The following ZNF695 variants were observed in gnomAD, a reference collection of about 807,000 sequenced individuals.
ZNF695 encodes zinc finger protein 695, also known as zinc finger protein SBZF3.
A neutral mutation model predicts 11.2 loss-of-function variants in ZNF695; 11 were observed. That is an observed-to-expected ratio of 0.98 (90% CI 0.62 to 1.62). The LOEUF is 1.62. ZNF695 is among the 40% of genes most tolerant of loss of function. The pLI, the probability that ZNF695 is intolerant of heterozygous loss-of-function variation, is 0.00. For missense variants in ZNF695, 559 were observed against 590.5 expected (o/e 0.95, Z 0.55); for synonymous variants, 190 against 201.4 (o/e 0.94, Z 0.48).
intron 5 of ZNF695, chr1:246,966,798 G>C (rs769219298): frequency 8.1e-5 from 37 of 456,584 alleles, no homozygotes; most frequent in African/African-American, 7.0e-4. Flanking sequence ...GGAAAAAAAA[G>C]TCAAAATGAG....
intron 3 of ZNF695, among the ~76,000 whole-genome samples, chr1:246,988,828 C>T (rs539194355): frequency 4.6e-5 from 7 of 152,092 alleles, no homozygotes; most frequent in East Asian, 1.9e-4. Flanking sequence ...CGGTGGCTCA[C>T]GCCTGTAATC....
chr1:246,999,354 G>A lies in ZNF695; in HGVS notation c.253C>T (p.His85Tyr). The change falls in exon 3 of 4, where the codon CAC (histidine) becomes TAC (tyrosine). Residue 85 changes from histidine (H) to tyrosine (Y), a missense_variant. Transcript: ENST00000339986. ...TTCATTCACTCCCACCTACCTGAGT[G>A]TCTGGCTGTCTTCTCTGTGTTCACG... Reference protein sequence around the residue: ...WNVNTEKTARHSVLSSYLTED... With the variant: ...WNVNTEKTARYSVLSSYLTED... 1 of 1,612,934 alleles carries A rather than the reference G, an allele frequency of 6.2e-7. No homozygotes were observed. Among genetic ancestry groups the A allele is most frequent in the Non-Finnish European group, 8.5e-7 (1 of 1,178,980 alleles).
intron 1 of ZNF695, among the ~76,000 whole-genome samples, chr1:247,003,077 A>T (rs773291215): frequency 3.9e-5 from 6 of 152,172 alleles, no homozygotes; most frequent in Non-Finnish European, 7.4e-5. Flanking sequence ...AACTTAAAAC[A>T]GGGCTGCCAT....
At chr1:246,959,310 A>AAAAATATATATAT (rs1558304450) in intron 5 of ZNF695, among the ~76,000 whole-genome samples, 2 of 51,252 alleles carry the variant, frequency 3.9e-5, no homozygotes, top group African/African-American at 8.8e-5. Flanking sequence ...AAAAAAAAAA[A>AAAAATATATATAT]ATATATATAT....
chr1:246,979,299 C>T (rs998696189), intron 4 of ZNF695, among the ~76,000 whole-genome samples: 1 of 152,088 alleles, frequency 6.6e-6, no homozygotes, highest in Non-Finnish European at 1.5e-5. Flanking sequence ...GTGGAGAAGA[C>T]GGTGGTGGTG....
At chr1:247,003,410 G>C (rs1158270347) in intron 1 of ZNF695, among the ~76,000 whole-genome samples, 2 of 152,158 alleles carry the variant, frequency 1.3e-5, no homozygotes, top group African/African-American at 4.8e-5. Context: ...AGTAAACATG[G>C]ACACAAAGAG....
At chr1:246,957,118 C>T (rs942150653) in intron 5 of ZNF695, among the ~76,000 whole-genome samples, 9 of 152,174 alleles carry the variant, frequency 5.9e-5, no homozygotes, top group African/African-American at 1.7e-4. Context: ...TGCGGTGGCT[C>T]ATGCCTGTAA....
chr1:246,983,146 G>A (rs1668757141), downstream of ZNF695, among the ~76,000 whole-genome samples: 1 of 151,522 alleles, frequency 6.6e-6, no homozygotes. Context: ...AGAGCTTGCA[G>A]TGAGCCGTGA....
At chr1:246,982,951 C>T (rs569612329), downstream of ZNF695, among the ~76,000 whole-genome samples, 3 of 152,238 alleles carry the variant, frequency 2.0e-5, no homozygotes, top group Admixed American at 2.0e-4. Context: ...CGCCTGTAAT[C>T]CCAGCACTTT....
intron 4 of ZNF695, among the ~76,000 whole-genome samples, chr1:246,973,279 C>T (rs1227738351): frequency 6.6e-6 from 1 of 152,086 alleles, no homozygotes; most frequent in African/African-American, 2.4e-5. Flanking sequence ...GAACTCCCGA[C>T]CTCAGGTGAT....
At chr1:246,947,374 C>T (rs1667766190) in intron 5 of ZNF695, among the ~76,000 whole-genome samples, 1 of 151,924 alleles carries the variant, frequency 6.6e-6, no homozygotes. Flanking sequence ...TTGGCATGCA[C>T]CACTGTACAT....
Position 246,999,397 on chromosome 1 carries a change from T to C in ZNF695, c.210A>G (p.Ala70=). 6.2e-7 allele frequency: 1 copy of C among 1,614,104 alleles called. No individual in the cohort carries two copies. The highest frequency in any genetic ancestry group is 8.5e-7 in the Non-Finnish European group (1 of 1,180,004). Residue 70 remains alanine (A), a synonymous_variant, in exon 3 of 4, where the codon GCA becomes GCG. Coordinates refer to ENST00000339986, the MANE Select transcript of ZNF695 (RefSeq NM_020394.5). ...TGTTCACGTTCCAGGGCTCTTTCCT[T>C]GCCTCCAGACAGATGATCAGTTCTG... The part of the protein sequence containing the change: ...SKPELIICLE[A]RKEPWNVNTE...
At chr1:247,000,483 G>A (rs554482379) in intron 1 of ZNF695, among the ~76,000 whole-genome samples, 9 of 152,214 alleles carry the variant, frequency 5.9e-5, no homozygotes, top group Admixed American at 1.3e-4. Flanking sequence ...GTGACAGAGC[G>A]AGACTCTGTC....
At position 246,986,409 on chromosome 1, in the gene ZNF695, G is replaced by C. The variant is rs1668848442; in HGVS notation, c.*558C>G. 2.0e-6 allele frequency: 2 copies of C among 985,298 alleles called. No homozygotes were observed. Among genetic ancestry groups the C allele is most frequent in the Non-Finnish European group, 2.4e-6 (2 of 830,004 alleles). 61.0% of individuals were successfully genotyped at this position (985,298 alleles called of 1,614,324 possible). ...AAATGTAATTATAACTTCCCCAAAA[G>C]GTGAATCTCCTACTTACTTTAACTT... is the stretch of plus-strand genomic sequence containing the variant. On this transcript the variant is annotated 3_prime_UTR_variant, in exon 4 of 4. Transcript: ENST00000339986.
At chr1:246,950,728 A>G (rs1042566669) in intron 5 of ZNF695, among the ~76,000 whole-genome samples, 5 of 151,534 alleles carry the variant, frequency 3.3e-5, no homozygotes, top group African/African-American at 1.2e-4. Flanking sequence ...TAAAGCTATT[A>G]ACATTTCATT....
intron 5 of ZNF695, among the ~76,000 whole-genome samples, chr1:246,955,039 G>A (rs961467121): frequency 6.6e-6 from 1 of 152,098 alleles, no homozygotes; most frequent in Non-Finnish European, 1.5e-5. Context: ...GGAGGTAATT[G>A]AATCATAGGG....
downstream of ZNF695, among the ~76,000 whole-genome samples, chr1:246,983,730 C>G (rs899583266): frequency 3.9e-5 from 6 of 152,054 alleles, no homozygotes; most frequent in Non-Finnish European, 5.9e-5. Context: ...AGGCAAGAGA[C>G]TTGATTGAAC....
In ZNF695 at chr1:246,993,435, A is replaced by C. The variant is rs116123786; in HGVS notation, c.260-5180T>G. Among the ~76,000 whole-genome samples the C allele has an allele frequency of 4.7e-3, 713 of 152,058 alleles. 3 individuals are homozygous for C. Among genetic ancestry groups the C allele is most frequent in the African/African-American group, 0.015 (637 of 41,446 alleles). ...AAAAACAAACAAACAAACAAACAAA[A>C]AAAAACACCATTCCAGAGAAGACAT... On this transcript the variant is annotated intron_variant, in intron 3 of 3. Transcript: ENST00000339986.
intron 5 of ZNF695, among the ~76,000 whole-genome samples, chr1:246,960,284 T>C (rs1668130653): frequency 6.6e-6 from 1 of 152,184 alleles, no homozygotes; most frequent in Non-Finnish European, 1.5e-5. Flanking sequence ...TGAACAACAC[T>C]GCCACCCTAA....
Sources: allele counts gnomAD v4.1 joint callset (sites outside exome capture counted in the v4.1 genomes callset), GRCh38; gene constraint gnomAD v4.1.1; transcripts MANE v1.5; gene names NCBI Gene and HGNC (gene_info 2026-07-23, HGNC 2026-07-21).